The following RIPK1 variants were observed in gnomAD, a reference collection of about 807,000 sequenced individuals.
RIPK1 encodes receptor interacting serine/threonine kinase 1.
In RIPK1, 27 loss-of-function variants were observed where a neutral mutation model predicts 62.4. The ratio of observed to expected loss-of-function variants is 0.43; its 90% CI spans 0.32 to 0.60. The LOEUF (loss-of-function observed/expected upper bound fraction) is 0.60. RIPK1 is among the 20% of genes least tolerant of loss of function. RIPK1 has a pLI of 0.07. For synonymous variants in RIPK1, 287 were observed against 303.2 expected (o/e 0.95, Z 0.55); for missense variants, 735 against 831.0 (o/e 0.88, Z 1.42).
intron 7 of RIPK1, among the ~76,000 whole-genome samples, chr6:3,090,539 C>A (rs1341625946): frequency 2.0e-5 from 3 of 151,892 alleles, no homozygotes; most frequent in Non-Finnish European, 4.4e-5. Context: ...AAATGTGGAT[C>A]CACCTTCAAT....
chr6:3,094,079 G>A (rs1760136347), intron 7 of RIPK1, among the ~76,000 whole-genome samples: 1 of 140,606 alleles, frequency 7.1e-6, no homozygotes, highest in South Asian at 2.2e-4. Context: ...TAACTGCAGC[G>A]CGCCTACCTC....
At chr6:3,065,855 G>A (rs146288376), upstream of RIPK1, among the ~76,000 whole-genome samples, 2 of 152,152 alleles carry the variant, frequency 1.3e-5, no homozygotes, top group South Asian at 4.1e-4. Context: ...TTTGCTGGGA[G>A]TAATGAGTAA....
In RIPK1 at chr6:3,106,006, C is replaced by A; in HGVS notation, c.1531C>A (p.Leu511Ile). 6.2e-7 allele frequency: 1 copy of A among 1,613,254 alleles called. No individual in the cohort carries two copies. Among genetic ancestry groups the A allele is most frequent in the Non-Finnish European group, 8.5e-7 (1 of 1,179,240 alleles). The change falls in exon 9 of 11, where the codon CTA becomes ATA. Residue 511 changes from leucine to isoleucine, a missense_variant. By Grantham distance (5) the Leu-to-Ile change is conservative (BLOSUM62 2). Around this residue, in one of 2 missense-constraint regions of RIPK1, gnomAD observed 671 missense variants for 726.2 expected, o/e 0.92. Transcript: ENST00000259808. ...HNIPVPETNY[L>I]GNTPTMPFSS... ...TATCCCAGTGCCTGAGACCAACTAT[C>A]TAGGAAATACACCCACCATGCCATT...
chr6:3,064,279 G>T (rs532191709), upstream of RIPK1, among the ~76,000 whole-genome samples: 3 of 152,152 alleles, frequency 2.0e-5, no homozygotes, highest in Non-Finnish European at 4.4e-5. Context: ...CAGCGCGGAC[G>T]CCGCCCTCCC....
At chr6:3,065,295 A>C (rs1758333393), upstream of RIPK1, among the ~76,000 whole-genome samples, 13 of 135,444 alleles carry the variant, frequency 9.6e-5, no homozygotes, top group South Asian at 7.3e-4. Context: ...AAAAAAAGAC[A>C]CGGCTTTCTG....
At chr6:3,080,911 C>G (rs1185985648) in intron 3 of RIPK1, 68 bp from the exon 4 acceptor site, 17 of 1,511,014 alleles carry the variant, frequency 1.1e-5, no homozygotes, top group Admixed American at 1.8e-5. Flanking sequence ...ACCACCCTTT[C>G]ATGAAACAGT....
At chr6:3,066,363 C>T (rs1758380862), upstream of RIPK1, among the ~76,000 whole-genome samples, 1 of 152,102 alleles carries the variant, frequency 6.6e-6, no homozygotes, top group Admixed American at 6.6e-5. Flanking sequence ...ACAACCGAGT[C>T]TTCAGTGCCT....
chr6:3,112,132 G>T (rs1483054560), intron 10 of RIPK1, among the ~76,000 whole-genome samples: 7 of 152,006 alleles, frequency 4.6e-5, no homozygotes, highest in African/African-American at 1.5e-4. Flanking sequence ...AGGCAATGTC[G>T]GTCGGCAGTG....
chr6:3,083,933 C>T (rs147995688), intron 5 of RIPK1, among the ~76,000 whole-genome samples: 62 of 152,228 alleles, frequency 4.1e-4, no homozygotes, highest in Non-Finnish European at 7.5e-4. Context: ...TCCTGCAGCT[C>T]GCCCCGCTTC....
chr6:3,083,258 G>A lies in RIPK1; in HGVS notation c.633G>A (p.Val211=). 6.2e-7 allele frequency: 1 copy of A among 1,613,864 alleles called. No homozygotes were observed. The highest frequency in any genetic ancestry group is 1.1e-5 in the South Asian group (1 of 91,072). Residue 211 remains valine (V), a synonymous_variant, in exon 5 of 11, where the codon GTG becomes GTA. Transcript: ENST00000259808. ...CAAAGCCCACAGAGAAGTCGGATGT[G>A]TACAGCTTTGCTGTAGTACTCTGGG... ...VNAKPTEKSD[V]YSFAVVLWAI...
At chr6:3,066,242 C>T (rs75751909), upstream of RIPK1, among the ~76,000 whole-genome samples, 3,599 of 152,132 alleles carry the variant, frequency 0.024, 155 homozygotes, top group African/African-American at 0.081. Flanking sequence ...CAGGCTGGTC[C>T]GGAACCCCTG....
intron 10 of RIPK1, 95 bp downstream of exon 10, chr6:3,111,050 C>A: frequency 1.1e-6 from 1 of 869,742 alleles, no homozygotes. Context: ...TCTGATAATT[C>A]TTCTTGAAAG....
chr6:3,093,936 C>T (rs1433967617), intron 7 of RIPK1, among the ~76,000 whole-genome samples: 2 of 90,392 alleles, frequency 2.2e-5, no homozygotes, highest in Admixed American at 1.2e-4. Flanking sequence ...GCCTACCTGC[C>T]GCACCTAGTA....
intron 9 of RIPK1, among the ~76,000 whole-genome samples, chr6:3,107,457 T>C (rs374075029): frequency 1.8e-3 from 237 of 133,060 alleles, no homozygotes; most frequent in African/African-American, 6.5e-3. Flanking sequence ...CCCAGCTACT[T>C]GGGAGGGTGA....
intron 7 of RIPK1, among the ~76,000 whole-genome samples, chr6:3,100,154 G>A (rs983101028): frequency 6.6e-6 from 1 of 152,218 alleles, no homozygotes; most frequent in African/African-American, 2.4e-5. Context: ...TGGTGCAGTG[G>A]CTCATGCCTG....
At chr6:3,099,582 AT>A (rs570629164) in intron 7 of RIPK1, among the ~76,000 whole-genome samples, 117 of 152,278 alleles carry the variant, frequency 7.7e-4, no homozygotes, top group African/African-American at 2.8e-3. Context: ...AAGAAAAATA[AT>A]AGACAAAGAA....
At chr6:3,112,135 C>A (rs1053940717) in intron 10 of RIPK1, among the ~76,000 whole-genome samples, 3 of 151,748 alleles carry the variant, frequency 2.0e-5, no homozygotes, top group African/African-American at 7.3e-5. Flanking sequence ...CAATGTCGGT[C>A]GGCAGTGGGG....
chr6:3,069,332 T>A (rs1466788075), intron 1 of RIPK1, among the ~76,000 whole-genome samples: 1 of 152,176 alleles, frequency 6.6e-6, no homozygotes, highest in East Asian at 1.9e-4. Flanking sequence ...ACGAATGTGG[T>A]AACCCTAGCA....
chr6:3,105,740 A>G lies in RIPK1; in HGVS notation c.1265A>G (p.Gln422Arg). The G allele has an allele frequency of 1.9e-6, 3 of 1,614,258 alleles. No homozygotes were observed. The highest frequency in any genetic ancestry group is 2.5e-6 in the Non-Finnish European group (3 of 1,180,038). Residue 422 changes from glutamine to arginine, a missense_variant, in exon 9 of 11, where the codon CAG (glutamine) becomes CGG (arginine). Transcript: ENST00000259808. This position sits in a 1 kb window ranked among gnomAD's most constrained non-coding sequence, Gnocchi z 4.5. ...AGGGTCTCCCATGACCCTTTTGCAC[A>G]GCAAAGACCTTACGAGAATTTTCAG... The part of the protein sequence containing the change: ...RRRVSHDPFA[Q>R]QRPYENFQNT...
Sources: allele counts gnomAD v4.1 joint callset (sites outside exome capture counted in the v4.1 genomes callset), GRCh38; gene constraint gnomAD v4.1.1; regional missense constraint gnomAD v4.1.1; non-coding constraint Gnocchi (gnomAD v3.1); transcripts MANE v1.5; gene names NCBI Gene and HGNC (gene_info 2026-07-23, HGNC 2026-07-21).